Variants in RAMP3 observed in about 807,000 individuals in gnomAD.
RAMP3 encodes receptor activity modifying protein 3.
RAMP3 carries 14 observed loss-of-function variants against 13.5 expected under a neutral mutation model. The observed-to-expected ratio is 1.04, with a 90% CI of 0.69 to 1.63. The LOEUF (loss-of-function observed/expected upper bound fraction) is 1.63. RAMP3 is among the 40% of genes most tolerant of loss of function. The probability of loss-of-function intolerance (pLI) is 0.00; values close to 1 mark genes in which losing one functional copy is unlikely to be tolerated. For synonymous variants in RAMP3, 106 were observed against 88.3 expected, an observed-to-expected ratio of 1.20 and a Z score of -1.12; for missense variants, 200 against 204.8, an observed-to-expected ratio of 0.98 and a Z score of 0.14.
In RAMP3 at chr7:45,177,447, T is replaced by C. The variant is rs1312845605; in HGVS notation, c.191+6T>C. 2 of 1,613,906 alleles carry C rather than the reference T, an allele frequency of 1.2e-6. No individual in the cohort carries two copies. The highest frequency in any genetic ancestry group is 4.5e-5 in the East Asian group (2 of 44,882). On this transcript the variant is annotated splice_donor_region_variant and intron_variant, in intron 2 of 2. Coordinates refer to ENST00000242249, the MANE Select transcript of RAMP3 (RefSeq NM_005856.3). Reference sequence around the variant, plus strand: ...AACCTGTCCGAGTTCATCGTGTGAGTGCCACTGCTGGGCGTGGGATTTGCT... The same window carrying C: ...AACCTGTCCGAGTTCATCGTGTGAGCGCCACTGCTGGGCGTGGGATTTGCT...
rs1786366730 is a variant in RAMP3 at position 45,183,698 on chromosome 7, C to G, written c.*286C>G. 3.4e-6 allele frequency: 2 copies of G among 584,566 alleles called. No homozygotes were observed. The highest frequency in any genetic ancestry group is 6.1e-6 in the Non-Finnish European group (2 of 328,312). 36.2% of individuals were successfully genotyped at this position (584,566 alleles called of 1,614,324 possible). ...TGGGCACAGAAATCACCTGCTGCAT[C>G]CTGTGCTCCGCAGGCTGGGCCGGAG... is the stretch of plus-strand genomic sequence containing the variant. On this transcript the variant is annotated 3_prime_UTR_variant, in exon 3 of 3. Coordinates refer to ENST00000242249, the MANE Select transcript of RAMP3 (RefSeq NM_005856.3).
intron 1 of RAMP3, chr7:45,163,809 C>T (rs1244794543): frequency 2.4e-5 from 24 of 985,292 alleles, no homozygotes; most frequent in Non-Finnish European, 2.9e-5. Flanking sequence ...AGTGGGGCAT[C>T]TGGAGGGTGG....
intron 1 of RAMP3, among the ~76,000 whole-genome samples, chr7:45,164,439 G>T (rs11979392): frequency 1.3e-5 from 2 of 151,990 alleles, no homozygotes; most frequent in Non-Finnish European, 2.9e-5. Flanking sequence ...GGAGGCTGGG[G>T]TGGGAGGATT....
At chr7:45,166,304 G>T (rs1294952) in intron 1 of RAMP3, among the ~76,000 whole-genome samples, 9,516 of 152,002 alleles carry the variant, frequency 0.063, 391 homozygotes, top group East Asian at 0.11. Context: ...CAAATGTCTG[G>T]GGTTACAAGT....
At chr7:45,174,204 A>G (rs1786135416) in intron 1 of RAMP3, among the ~76,000 whole-genome samples, 2 of 152,096 alleles carry the variant, frequency 1.3e-5, no homozygotes, top group African/African-American at 4.8e-5. Context: ...ACCCTGGGAG[A>G]CACTTAACCT....
intron 1 of RAMP3, among the ~76,000 whole-genome samples, chr7:45,160,623 G>C (rs1403742276): frequency 1.3e-5 from 2 of 152,102 alleles, no homozygotes; most frequent in African/African-American, 4.8e-5. Context: ...CTGTCAAGGA[G>C]GGGGAGAGCG....
chr7:45,181,366 G>T (rs920738298), intron 2 of RAMP3, among the ~76,000 whole-genome samples: 2 of 152,226 alleles, frequency 1.3e-5, no homozygotes, highest in Admixed American at 6.5e-5. Context: ...GGGGCTTTCA[G>T]CCCTGCCTCA....
intron 1 of RAMP3, among the ~76,000 whole-genome samples, chr7:45,166,943 T>C (rs191094838): frequency 7.0e-6 from 1 of 143,344 alleles, no homozygotes; most frequent in Admixed American, 7.3e-5. Flanking sequence ...TAGCTCTACA[T>C]GTAGGTCTTT....
chr7:45,179,448 C>A (rs1388442711), intron 2 of RAMP3, among the ~76,000 whole-genome samples: 1 of 152,144 alleles, frequency 6.6e-6, no homozygotes, highest in African/African-American at 2.4e-5. Context: ...ACCAAGCAAA[C>A]CCGGGGGCCA....
chr7:45,168,078 G>A (rs143969203), intron 1 of RAMP3, among the ~76,000 whole-genome samples: 221 of 152,204 alleles, frequency 1.5e-3, no homozygotes, highest in African/African-American at 5.1e-3. Flanking sequence ...AACATAGGAT[G>A]TCTTTCTATT....
intron 2 of RAMP3, 149 bp downstream of exon 2, chr7:45,177,590 A>T (rs1786218283): frequency 3.3e-6 from 4 of 1,224,856 alleles, no homozygotes; most frequent in African/African-American, 1.5e-5. Context: ...CAGCCCTTTC[A>T]TGTGCTGCCC....
intron 1 of RAMP3, among the ~76,000 whole-genome samples, chr7:45,164,707 C>G (rs1785924838): frequency 6.6e-6 from 1 of 151,964 alleles, no homozygotes; most frequent in Non-Finnish European, 1.5e-5. Flanking sequence ...TTGAAAAGAC[C>G]CTCTTTATCT....
At chr7:45,183,020 T>C in intron 2 of RAMP3, 137 bp from the exon 3 acceptor site, 8 of 1,237,382 alleles carry the variant, frequency 6.5e-6, no homozygotes, top group Non-Finnish European at 8.9e-6. Context: ...GAATGGGGAT[T>C]TTCCAAGGCT....
At chr7:45,176,192 C>T (rs1786182797) in intron 1 of RAMP3, among the ~76,000 whole-genome samples, 1 of 152,128 alleles carries the variant, frequency 6.6e-6, no homozygotes, top group South Asian at 2.1e-4. Context: ...TGAGGTTGAG[C>T]TGGTAACCAG....
At chr7:45,177,232 T>C in intron 1 of RAMP3, 77 bp from the exon 2 acceptor site, 1 of 1,583,662 alleles carries the variant, frequency 6.3e-7, no homozygotes, top group Non-Finnish European at 8.6e-7. Context: ...ACTCAAGTTA[T>C]GGCCCCTTGG....
intron 1 of RAMP3, among the ~76,000 whole-genome samples, chr7:45,167,558 C>CTTTTTTT (rs373727786): frequency 1.4e-5 from 2 of 139,492 alleles, no homozygotes. Context: ...CAACTTTGTT[C>CTTTTTTT]TTTTTTTTTT....
intron 2 of RAMP3, among the ~76,000 whole-genome samples, chr7:45,179,256 G>A (rs1192269929): frequency 6.6e-6 from 1 of 152,112 alleles, no homozygotes; most frequent in African/African-American, 2.4e-5. Context: ...CAGCCAAGAG[G>A]AAGGACCTAG....
intron 2 of RAMP3, among the ~76,000 whole-genome samples, chr7:45,182,778 G>C (rs1366581229): frequency 6.6e-6 from 1 of 152,152 alleles, no homozygotes; most frequent in African/African-American, 2.4e-5. Flanking sequence ...GATGATGAAG[G>C]CTTTGCAGGT....
chr7:45,159,276 T>C (rs1785821041), intron 1 of RAMP3, among the ~76,000 whole-genome samples: 2 of 152,216 alleles, frequency 1.3e-5, no homozygotes, highest in African/African-American at 4.8e-5. Flanking sequence ...AGTGTTCGAC[T>C]GGCCAGAGTG....
Sources: allele counts gnomAD v4.1 joint callset (sites outside exome capture counted in the v4.1 genomes callset), GRCh38; gene constraint gnomAD v4.1.1; transcripts MANE v1.5; gene names NCBI Gene and HGNC (gene_info 2026-07-23, HGNC 2026-07-21).